SORCS2: variants seen among roughly 807,000 people sequenced by gnomAD.
SORCS2 encodes VPS10 domain-containing receptor SorCS2.
SORCS2 carries 100 observed loss-of-function variants against 141.6 expected under a neutral mutation model. The ratio of observed to expected loss-of-function variants is 0.71; its 90% CI spans 0.60 to 0.83. The LOEUF is 0.83. Among genes scored for constraint, SORCS2 ranks in the 40% least tolerant of loss-of-function variants. The probability of loss-of-function intolerance (pLI) is 0.00; values close to 1 mark genes in which losing one functional copy is unlikely to be tolerated. For synonymous variants in SORCS2, 789 were observed against 676.9 expected (o/e 1.17, Z -2.57); for missense variants, 1,646 against 1,560.2 (o/e 1.05, Z -0.93).
rs1196539735 is a variant in SORCS2, at chr4:7,201,925, C to G, written c.480+8799C>G. On this transcript the variant is annotated intron_variant, in intron 1 of 26. Transcript: ENST00000507866. This position sits in a 1 kb window ranked among gnomAD's most constrained non-coding sequence, Gnocchi z 4.4. Reference sequence around the variant, plus strand: ...GCCACCGGGAGGGCAAGGTCTCCGTCTGTAGCTTTGGAAAGGTGAAGGCAT... The same window carrying G: ...GCCACCGGGAGGGCAAGGTCTCCGTGTGTAGCTTTGGAAAGGTGAAGGCAT... Among the ~76,000 whole-genome samples the G allele has an allele frequency of 6.6e-6, 1 of 152,096 alleles. No homozygotes were observed. The highest frequency in any genetic ancestry group is 1.5e-5 in the Non-Finnish European group (1 of 68,030).
chr4:7,468,162 G>T (rs576330079), intron 2 of SORCS2, among the ~76,000 whole-genome samples: 4 of 152,228 alleles, frequency 2.6e-5, no homozygotes, highest in Non-Finnish European at 5.9e-5. Flanking sequence ...GCAGGCTCTG[G>T]TTCTCCTTGT....
chr4:7,649,165 G>T (rs1721273204), intron 4 of SORCS2, among the ~76,000 whole-genome samples: 1 of 152,194 alleles, frequency 6.6e-6, no homozygotes, highest in Non-Finnish European at 1.5e-5. Context: ...AGACTTTAAA[G>T]TGAGTCTTGA....
chr4:7,721,125 C>T (rs1325001972), intron 18 of SORCS2, among the ~76,000 whole-genome samples: 1 of 152,174 alleles, frequency 6.6e-6, no homozygotes, highest in East Asian at 1.9e-4. Context: ...CTGGGGTGCC[C>T]CCATGCTGAG....
Position 7,396,600 on chromosome 4 carries a change from C to T in SORCS2, c.548+245C>T, listed in dbSNP as rs1724230704. On this transcript the variant is annotated intron_variant, in intron 2 of 26. Coordinates refer to ENST00000507866, the MANE Select transcript of SORCS2 (RefSeq NM_020777.3). ...TCAGAAAGCGTCTTGGCTTTCTTTT[C>T]TTTCTGTTTTTCTCCCCGCTTCCTT... 2.0e-5 allele frequency among the ~76,000 whole-genome samples: 3 copies of T among 152,326 alleles called. No homozygotes were observed. The South Asian group carries it at 6.2e-4, about 32-fold the overall frequency.
intron 2 of SORCS2, among the ~76,000 whole-genome samples, chr4:7,418,498 C>G (rs140298614): frequency 6.6e-6 from 1 of 152,102 alleles, no homozygotes; most frequent in African/African-American, 2.4e-5. Context: ...ACATTAAGCG[C>G]GAGGTGGAGT....
Position 7,645,886 on chromosome 4 carries a change from T to G in SORCS2, c.813+7394T>G, listed in dbSNP as rs62290667. The stretch of plus-strand genomic sequence containing the variant: ...CAGGGTGTATGGTACACCATCTCTG[T>G]GCACCACTATCCCTGGCTGCCTTCC... On this transcript the variant is annotated intron_variant, in intron 4 of 26. Transcript: ENST00000507866. 4.4e-3 allele frequency among the ~76,000 whole-genome samples: 668 copies of G among 152,326 alleles called. 4 individuals carry two copies. Among genetic ancestry groups the G allele is most frequent in the Non-Finnish European group, 7.4e-3 (503 of 68,012 alleles).
At position 7,718,083 on chromosome 4, in the gene SORCS2, G is replaced by A. The variant is rs1560108627; in HGVS notation, c.2324G>A (p.Cys775Tyr). ...DMQQSQVQLQ[C>Y]PLTPPRGLQV... The stretch of plus-strand genomic sequence containing the variant: ...CAGCAGAGTCAGGTGCAGCTGCAGT[G>A]CCCCCTCACGCCGCCCCGGGGCCTG... The change falls in exon 18 of 27, where the codon TGC (cysteine) becomes TAC (tyrosine). Residue 775 changes from cysteine to tyrosine, a missense_variant. Physicochemically the swap from Cys to Tyr is radical, Grantham distance 194. Coordinates refer to ENST00000507866, the MANE Select transcript of SORCS2 (RefSeq NM_020777.3). 6.2e-7 allele frequency: 1 copy of A among 1,611,654 alleles called. No individual in the cohort carries two copies.
At chr4:7,402,299 A>C (rs1360657765) in intron 2 of SORCS2, among the ~76,000 whole-genome samples, 1 of 152,166 alleles carries the variant, frequency 6.6e-6, no homozygotes, top group African/African-American at 2.4e-5. Context: ...TCTACCCTGA[A>C]ATTGGTGTGG....
intron 2 of SORCS2, among the ~76,000 whole-genome samples, chr4:7,479,380 ACGTGCCCTAAAGCC>A (rs1163458250): frequency 1.3e-5 from 2 of 152,118 alleles, no homozygotes; most frequent in African/African-American, 4.8e-5. Context: ...AGCTGAGACC[ACGTGCCCTAAAGCC>A]CCCAGATAAA....
chr4:7,689,232 G>A (rs1724060709), intron 10 of SORCS2, among the ~76,000 whole-genome samples: 1 of 152,066 alleles, frequency 6.6e-6, no homozygotes, highest in South Asian at 2.1e-4. Flanking sequence ...ATCCTCCCAG[G>A]TGCCTCACTT....
intron 3 of SORCS2, among the ~76,000 whole-genome samples, chr4:7,623,240 C>T (rs569207124): frequency 3.9e-5 from 6 of 152,154 alleles, no homozygotes; most frequent in East Asian, 1.9e-4. Context: ...ATGGTACCTT[C>T]GGGAGACACC....
chr4:7,401,516 A>T lies in SORCS2; in HGVS notation c.548+5161A>T, dbSNP rs557660171. 2.0e-5 allele frequency among the ~76,000 whole-genome samples: 3 copies of T among 152,340 alleles called. No homozygotes were observed. The South Asian group carries it at 6.2e-4, about 32-fold the overall frequency. On this transcript the variant is annotated intron_variant, in intron 2 of 26. Coordinates refer to ENST00000507866, the MANE Select transcript of SORCS2 (RefSeq NM_020777.3). ...TGGCTCTGATTCTGTCAGGAGGAGC[A>T]ACAGGGTTCTGCAAGCATTCTGAGC...
intron 3 of SORCS2, among the ~76,000 whole-genome samples, chr4:7,618,904 C>G (rs1283700858): frequency 6.6e-6 from 1 of 152,144 alleles, no homozygotes; most frequent in Non-Finnish European, 1.5e-5. Flanking sequence ...GGGCAGGAAG[C>G]TCACCTGTGC....
chr4:7,676,364 C>A (rs1320604176), intron 9 of SORCS2, 135 bp downstream of exon 9: 2 of 910,360 alleles, frequency 2.2e-6, no homozygotes, highest in Non-Finnish European at 3.3e-6. Flanking sequence ...ATCTTCTGTA[C>A]ACAGCCAAAT....
At chr4:7,495,241 G>A (rs1235621159) in intron 2 of SORCS2, among the ~76,000 whole-genome samples, 1 of 152,228 alleles carries the variant, frequency 6.6e-6, no homozygotes, top group East Asian at 1.9e-4. Flanking sequence ...CCTTGGAGCT[G>A]CATCAACTCA....
chr4:7,555,891 A>G (rs1311393828), intron 3 of SORCS2, among the ~76,000 whole-genome samples: 2 of 152,228 alleles, frequency 1.3e-5, no homozygotes, highest in Admixed American at 6.5e-5. Flanking sequence ...CCCCCAGGAA[A>G]GCTGTTCACA....
Position 7,286,793 on chromosome 4 carries a change from C to T in SORCS2, c.480+93667C>T, listed in dbSNP as rs113346042. On this transcript the variant is annotated intron_variant, in intron 1 of 26. Transcript: ENST00000507866. This position sits in a 1 kb window ranked among gnomAD's most constrained non-coding sequence, Gnocchi z 4.1. ...ATGATAACTGAGGCAGACTGGGAGGCGTCTTGGGTCCCAGACCGTGGAACC... is the reference window on the plus strand; with the variant it reads ...ATGATAACTGAGGCAGACTGGGAGGTGTCTTGGGTCCCAGACCGTGGAACC... Among the ~76,000 whole-genome samples the T allele has an allele frequency of 6.6e-6, 1 of 152,296 alleles. No individual in the cohort carries two copies. Among genetic ancestry groups the T allele is most frequent in the African/African-American group, 2.4e-5 (1 of 41,568 alleles).
intron 1 of SORCS2, among the ~76,000 whole-genome samples, chr4:7,302,612 C>T (rs1454812159): frequency 6.6e-6 from 1 of 152,180 alleles, no homozygotes; most frequent in East Asian, 1.9e-4. Flanking sequence ...TGTTTTTCTC[C>T]ATGGCAATGA....
At chr4:7,585,675 A>G (rs1716490207) in intron 3 of SORCS2, among the ~76,000 whole-genome samples, 1 of 152,176 alleles carries the variant, frequency 6.6e-6, no homozygotes, top group African/African-American at 2.4e-5. Flanking sequence ...TTTTATGCGA[A>G]TGGTTTCAAT....
Sources: gnomAD v4.1 joint callset for allele counts (sites outside exome capture counted in the v4.1 genomes callset) on GRCh38, gnomAD v4.1.1 for gene constraint, Gnocchi (gnomAD v3.1) non-coding constraint, MANE v1.5 for transcripts, NCBI Gene and HGNC (gene_info 2026-07-23, HGNC 2026-07-21) for gene names.